ULK4: variants seen among roughly 807,000 people sequenced by gnomAD.
ULK4 encodes inactive serine/threonine-protein kinase ULK4.
In ULK4, 133 loss-of-function variants were observed where a neutral mutation model predicts 160.6. The ratio of observed to expected loss-of-function variants is 0.83; its 90% CI spans 0.72 to 0.96. The LOEUF (loss-of-function observed/expected upper bound fraction) is 0.96. Ranked by LOEUF, ULK4 falls within the 40% of genes least tolerant of loss-of-function variation. The probability of loss-of-function intolerance (pLI) is 0.00; values close to 1 mark genes in which losing one functional copy is unlikely to be tolerated. For missense variants in ULK4, 1,580 were observed against 1,499.5 expected (o/e 1.05, Z -0.89); for synonymous variants, 534 against 539.8 (o/e 0.99, Z 0.15).
At chr3:41,515,468 G>A (rs1004986307) in intron 32 of ULK4, among the ~76,000 whole-genome samples, 2 of 152,126 alleles carry the variant, frequency 1.3e-5, no homozygotes, top group Non-Finnish European at 2.9e-5. Context: ...GTATTAGCCT[G>A]TTCTCATGCT....
intron 22 of ULK4, among the ~76,000 whole-genome samples, chr3:41,721,279 T>TTTTTTTTTTTTTTTTTTTTTTTTTGG (rs67078043): frequency 1.0e-5 from 1 of 98,922 alleles, no homozygotes; most frequent in African/African-American, 4.4e-5. Context: ...TTTTTTTTTT[T>TTTTTTTTTTTTTTTTTTTTTTTTTGG]TTTTTGGGTT....
intron 31 of ULK4, among the ~76,000 whole-genome samples, chr3:41,588,332 T>C (rs58059822): frequency 0.012 from 1,824 of 152,344 alleles, 39 homozygotes; most frequent in African/African-American, 0.042. Context: ...AACTTGCCTA[T>C]ATAACTTGAT....
intron 5 of ULK4, among the ~76,000 whole-genome samples, chr3:41,925,077 A>AT (rs1559653843): frequency 6.6e-6 from 1 of 152,206 alleles, no homozygotes; most frequent in Admixed American, 6.5e-5. Flanking sequence ...ACATACCAAG[A>AT]ATACACCCTA....
At chr3:41,725,070 T>C (rs1309764406) in intron 22 of ULK4, among the ~76,000 whole-genome samples, 1 of 152,212 alleles carries the variant, frequency 6.6e-6, no homozygotes, top group Admixed American at 6.5e-5. Flanking sequence ...CTTACCTTTT[T>C]ACTCTTTTAA....
chr3:41,792,229 A>T (rs1431416594), intron 20 of ULK4, among the ~76,000 whole-genome samples: 1 of 152,190 alleles, frequency 6.6e-6, no homozygotes, highest in Non-Finnish European at 1.5e-5. Flanking sequence ...TAACAACAGA[A>T]AAATGAATTC....
chr3:41,281,417 A>G (rs1009354746), intron 35 of ULK4, among the ~76,000 whole-genome samples: 1 of 152,212 alleles, frequency 6.6e-6, no homozygotes, highest in African/African-American at 2.4e-5. Context: ...ATATTGGGAA[A>G]TGGAATCCAG....
chr3:41,959,193 A>G (rs1046663457), intron 1 of ULK4, among the ~76,000 whole-genome samples: 3 of 152,130 alleles, frequency 2.0e-5, no homozygotes, highest in Non-Finnish European at 4.4e-5. Flanking sequence ...GTGAAACCCC[A>G]TCTCTACTAA....
intron 17 of ULK4, among the ~76,000 whole-genome samples, chr3:41,841,950 A>T (rs2125661986): frequency 6.6e-6 from 1 of 152,138 alleles, no homozygotes; most frequent in African/African-American, 2.4e-5. Context: ...CATGCTCATT[A>T]AGAGTCATCA....
At chr3:41,757,828 C>T (rs1323601424) in intron 21 of ULK4, among the ~76,000 whole-genome samples, 1 of 151,590 alleles carries the variant, frequency 6.6e-6, no homozygotes, top group Non-Finnish European at 1.5e-5. Context: ...AGATTTTTAC[C>T]GTGTTAGCCA....
intron 27 of ULK4, among the ~76,000 whole-genome samples, chr3:41,701,647 A>T (rs2036678950): frequency 6.6e-6 from 1 of 152,232 alleles, no homozygotes; most frequent in Non-Finnish European, 1.5e-5. Context: ...AAAAGTAGTA[A>T]ATACGTGAAT....
intron 18 of ULK4, among the ~76,000 whole-genome samples, chr3:41,832,899 GT>G (rs1373912153): frequency 6.6e-6 from 1 of 152,138 alleles, no homozygotes; most frequent in African/African-American, 2.4e-5. Flanking sequence ...CTGCATGTCT[GT>G]TTTGTACCAG....
At chr3:41,794,387 C>T (rs764318381) in intron 20 of ULK4, among the ~76,000 whole-genome samples, 5 of 152,008 alleles carry the variant, frequency 3.3e-5, no homozygotes, top group African/African-American at 4.8e-5. Context: ...TGCATAAGGC[C>T]GGACGCTGTG....
intron 20 of ULK4, among the ~76,000 whole-genome samples, chr3:41,793,776 T>C (rs1191295975): frequency 1.3e-5 from 2 of 152,202 alleles, no homozygotes; most frequent in Non-Finnish European, 2.9e-5. Context: ...ATTTTCCCTA[T>C]AATCCCAATA....
chr3:41,462,906 CA>C (rs1209356004), intron 33 of ULK4, among the ~76,000 whole-genome samples, 180 bp downstream of exon 33: 1 of 152,140 alleles, frequency 6.6e-6, no homozygotes. Context: ...AGATTTTGAT[CA>C]AATTCTCTGT....
Position 41,821,831 on chromosome 3 carries a change from G to A in ULK4, c.1765-2325C>T, listed in dbSNP as rs1439431097. On this transcript the variant is annotated intron_variant, in intron 18 of 36. Coordinates refer to ENST00000301831, the MANE Select transcript of ULK4 (RefSeq NM_017886.4). ...ACGACTTCTATCTCCCTCATAACAG[G>A]AAAAATAAATAAATATATAAAAAGC... Among the ~76,000 whole-genome samples the A allele has an allele frequency of 3.3e-5, 5 of 151,994 alleles. No homozygotes were observed. The South Asian group carries it at 1.0e-3, about 32-fold the overall frequency.
intron 32 of ULK4, among the ~76,000 whole-genome samples, chr3:41,486,458 T>C (rs1449371056): frequency 3.3e-5 from 5 of 152,160 alleles, no homozygotes; most frequent in African/African-American, 1.2e-4. Context: ...TTGGCCATCA[T>C]TTACATTTGA....
intron 29 of ULK4, among the ~76,000 whole-genome samples, chr3:41,674,823 CAT>C (rs1220101231): frequency 3.3e-5 from 5 of 152,198 alleles, no homozygotes; most frequent in Non-Finnish European, 7.3e-5. Flanking sequence ...CCTTAACGCA[CAT>C]GAGACAGCAA....
intron 27 of ULK4, among the ~76,000 whole-genome samples, chr3:41,684,729 C>T (rs1373195121): frequency 6.6e-6 from 1 of 152,218 alleles, no homozygotes. Flanking sequence ...TCTAGAAATA[C>T]CATTTGCTTA....
chr3:41,600,488 A>G (rs2031985430), intron 31 of ULK4, among the ~76,000 whole-genome samples: 1 of 152,172 alleles, frequency 6.6e-6, no homozygotes, highest in African/African-American at 2.4e-5. Flanking sequence ...AGGGCAGAAA[A>G]AGAGTTTTCC....
Sources: gnomAD v4.1 joint callset for allele counts (sites outside exome capture counted in the v4.1 genomes callset) on GRCh38, gnomAD v4.1.1 for gene constraint, MANE v1.5 for transcripts, NCBI Gene and HGNC (gene_info 2026-07-23, HGNC 2026-07-21) for gene names.